The following DCLK1 variants were observed in gnomAD, a reference collection of about 807,000 sequenced individuals.
DCLK1 encodes the protein serine/threonine-protein kinase DCLK1.
A neutral mutation model predicts 86.2 loss-of-function variants in DCLK1; 16 were observed. The observed-to-expected ratio is 0.19, with a 90% confidence interval of 0.13 to 0.28. The LOEUF (loss-of-function observed/expected upper bound fraction) is 0.28, where lower values mean the gene tolerates loss of function less well. Among genes scored for constraint, DCLK1 ranks in the 10% least tolerant of loss-of-function variants. DCLK1 has a pLI of 1.00. For missense variants in DCLK1, 590 were observed against 940.2 expected (o/e 0.63, Z 4.87); for synonymous variants, 369 against 370.5 (o/e 1.00, Z 0.05).
At chr13:35,785,717 A>G (rs2086609401) in intron 16 of DCLK1, among the ~76,000 whole-genome samples, 1 of 152,184 alleles carries the variant, frequency 6.6e-6, no homozygotes, top group Non-Finnish European at 1.5e-5. Context: ...GGCTTACAGC[A>G]GTAAAAACAG....
intron 3 of DCLK1, among the ~76,000 whole-genome samples, chr13:36,095,357 T>C (rs1372944351): frequency 6.6e-6 from 1 of 152,088 alleles, no homozygotes; most frequent in Non-Finnish European, 1.5e-5. Context: ...AGGCATGTGT[T>C]ACCACATCCA....
intron 3 of DCLK1, among the ~76,000 whole-genome samples, chr13:36,047,542 A>G (rs1882962790): frequency 6.6e-6 from 1 of 152,198 alleles, no homozygotes; most frequent in South Asian, 2.1e-4. Flanking sequence ...TAGCAACAAC[A>G]TGGATGAACC....
chr13:35,865,426 C>T (rs559006436), intron 5 of DCLK1, among the ~76,000 whole-genome samples: 90 of 152,306 alleles, frequency 5.9e-4, no homozygotes, highest in African/African-American at 1.8e-3. Flanking sequence ...CTTAGTGATT[C>T]ATCCTCCAGT....
At chr13:35,892,701 A>C (rs989906964) in intron 4 of DCLK1, among the ~76,000 whole-genome samples, 2 of 152,104 alleles carry the variant, frequency 1.3e-5, no homozygotes, top group South Asian at 2.1e-4. Context: ...CACGCCTTGC[A>C]CTCTCCCATG....
intron 4 of DCLK1, among the ~76,000 whole-genome samples, chr13:35,887,878 C>CAAAAAAAAAAAAAA (rs760195385): frequency 2.6e-5 from 1 of 38,738 alleles, no homozygotes; most frequent in African/African-American, 8.0e-5. Context: ...GATCTTGTCT[C>CAAAAAAAAAAAAAA]AAAAAAAAAA....
chr13:36,032,213 C>T (rs899076350), intron 3 of DCLK1, among the ~76,000 whole-genome samples: 2 of 150,996 alleles, frequency 1.3e-5, no homozygotes, highest in African/African-American at 4.9e-5. Flanking sequence ...ATGATCTTGG[C>T]TCATTGCAAC....
intron 3 of DCLK1, among the ~76,000 whole-genome samples, chr13:36,068,978 C>G (rs1443854609): frequency 6.6e-6 from 1 of 152,166 alleles, no homozygotes; most frequent in Admixed American, 6.5e-5. Flanking sequence ...AAAGTTATAG[C>G]TTTACATTTA....
chr13:36,026,623 T>A (rs1882044475), intron 3 of DCLK1, among the ~76,000 whole-genome samples: 1 of 152,232 alleles, frequency 6.6e-6, no homozygotes, highest in South Asian at 2.1e-4. Flanking sequence ...TGTAAACCCC[T>A]TTTAATTATT....
intron 3 of DCLK1, among the ~76,000 whole-genome samples, chr13:36,070,119 G>C (rs1883913575): frequency 6.6e-6 from 1 of 152,082 alleles, no homozygotes; most frequent in Non-Finnish European, 1.5e-5. Context: ...CACATTTGTT[G>C]CATAATGCCT....
Position 36,119,691 on chromosome 13 carries a change from T to C in DCLK1, c.376+6071A>G, listed in dbSNP as rs547044353. ...ACTGTGGGACATTCTACAAGATAAC[T>C]GACTGGTATTCTTCAAACTGTCAAG... On this transcript the variant is annotated intron_variant, in intron 2 of 16. Coordinates refer to ENST00000360631, the MANE Select transcript of DCLK1 (RefSeq NM_001330071.2). 3.3e-5 allele frequency among the ~76,000 whole-genome samples: 5 copies of C among 152,274 alleles called. No individual in the cohort carries two copies. In the South Asian group the frequency reaches 1.0e-3, roughly 32 times the overall value.
chr13:35,962,695 A>G (rs926825581), intron 3 of DCLK1, among the ~76,000 whole-genome samples: 7 of 152,332 alleles, frequency 4.6e-5, no homozygotes, highest in African/African-American at 1.4e-4. Flanking sequence ...CATTGAGCTT[A>G]GTTAAGTTTC....
At chr13:36,120,219 C>T (rs967714003) in intron 2 of DCLK1, among the ~76,000 whole-genome samples, 3 of 151,974 alleles carry the variant, frequency 2.0e-5, no homozygotes, top group African/African-American at 7.3e-5. Flanking sequence ...TAAAGAATAA[C>T]ACATTTGATT....
At chr13:35,865,983 T>C (rs931381062) in intron 5 of DCLK1, among the ~76,000 whole-genome samples, 7 of 152,178 alleles carry the variant, frequency 4.6e-5, no homozygotes, top group Non-Finnish European at 1.0e-4. Context: ...AGATTAATTG[T>C]TTCCTGGAGA....
intron 15 of DCLK1, among the ~76,000 whole-genome samples, chr13:35,800,335 C>G (rs1356906432): frequency 6.6e-6 from 1 of 152,192 alleles, no homozygotes; most frequent in Non-Finnish European, 1.5e-5. Flanking sequence ...TTCTCCATTT[C>G]ACAGATAGGA....
intron 4 of DCLK1, among the ~76,000 whole-genome samples, chr13:35,878,590 T>C (rs1376915841): frequency 6.6e-6 from 1 of 152,082 alleles, no homozygotes; most frequent in African/African-American, 2.4e-5. Context: ...GATCTAGTAT[T>C]TGATAGCACA....
Position 36,086,429 on chromosome 13 carries a change from G to C in DCLK1, c.723+25440C>G, listed in dbSNP as rs185717308. ...ACATTACTGGCTGGCACTACAGCTG[G>C]AAATAAAATGTTTCCTCAACAGCTT... On this transcript the variant is annotated intron_variant, in intron 3 of 16. Coordinates refer to ENST00000360631, the MANE Select transcript of DCLK1 (RefSeq NM_001330071.2). 6.3e-4 allele frequency among the ~76,000 whole-genome samples: 93 copies of C among 148,382 alleles called. No individual in the cohort carries two copies. The South Asian group carries it at 0.012, about 19-fold the overall frequency.
At chr13:35,970,576 C>T (rs867816527) in intron 3 of DCLK1, among the ~76,000 whole-genome samples, 4 of 152,188 alleles carry the variant, frequency 2.6e-5, no homozygotes, top group Middle Eastern at 6.8e-3. Flanking sequence ...CTCTCTTTCT[C>T]GGCTCTTTGC....
At chr13:35,986,417 A>T (rs896100108) in intron 3 of DCLK1, among the ~76,000 whole-genome samples, 5 of 151,628 alleles carry the variant, frequency 3.3e-5, no homozygotes, top group African/African-American at 1.2e-4. Flanking sequence ...CACCCTAGCA[A>T]GCGAACTCCC....
rs2086343128 is a variant in DCLK1, at chr13:35,772,111, C to A, written c.*2424G>T. ...AGATTTCTACTTGACTGGTCACATT[C>A]CACTGTTTATTCAGCATAGATCACT... On this transcript the variant is annotated 3_prime_UTR_variant, in exon 17 of 17. Coordinates refer to ENST00000360631, the MANE Select transcript of DCLK1 (RefSeq NM_001330071.2). 1 of 152,160 alleles carries A rather than the reference C, an allele frequency of 6.6e-6. No individual in the cohort carries two copies. Among genetic ancestry groups the A allele is most frequent in the Admixed American group, 6.5e-5 (1 of 15,272 alleles). 9.4% of individuals were successfully genotyped at this position (152,160 alleles called of 1,614,324 possible). A position where few individuals can be genotyped will look rare whatever the true frequency, so the allele number is the denominator to read the frequency against.
Sources: allele counts gnomAD v4.1 joint callset (sites outside exome capture counted in the v4.1 genomes callset), GRCh38; gene constraint gnomAD v4.1.1; transcripts MANE v1.5; gene names NCBI Gene and HGNC (gene_info 2026-07-23, HGNC 2026-07-21).